TENM2: variants seen among roughly 807,000 people sequenced by gnomAD.
The protein encoded by TENM2 is teneurin-2.
TENM2 carries 52 observed loss-of-function variants against 245.2 expected under a neutral mutation model. The ratio of observed to expected loss-of-function variants is 0.21; its 90% CI spans 0.17 to 0.27. TENM2 has a LOEUF of 0.27. Among genes scored for constraint, TENM2 ranks in the 10% least tolerant of loss-of-function variants. TENM2 has a pLI of 1.00. For synonymous variants in TENM2, 1,363 were observed against 1,438.9 expected (o/e 0.95, Z 1.19); for missense variants, 3,046 against 3,666.8 (o/e 0.83, Z 4.37).
the TENM2 span, among the ~76,000 whole-genome samples, chr5:167,192,219 G>C: frequency 6.6e-6 from 1 of 152,016 alleles, no homozygotes; most frequent in African/African-American, 2.4e-5. Context: ...ATTCAACACA[G>C]TGATTCATGG....
chr5:167,515,628 T>TGCATATATATGTATATATACAC (rs1450831702), intron 2 of TENM2, among the ~76,000 whole-genome samples: 1 of 142,178 alleles, frequency 7.0e-6, no homozygotes, highest in African/African-American at 2.6e-5. Flanking sequence ...TACATATATA[T>TGCATATATATGTATATATACAC]ACATATATAT....
At chr5:167,917,458 A>C (rs1014402773) in intron 3 of TENM2, among the ~76,000 whole-genome samples, 2 of 151,954 alleles carry the variant, frequency 1.3e-5, no homozygotes, top group Non-Finnish European at 2.9e-5. Flanking sequence ...GGAGTTTTTA[A>C]AATAATAGTT....
chr5:167,467,280 C>T (rs1332020292), intron 2 of TENM2, among the ~76,000 whole-genome samples: 1 of 152,090 alleles, frequency 6.6e-6, no homozygotes, highest in Non-Finnish European at 1.5e-5. Flanking sequence ...CACAGTCTCT[C>T]CTACCGCCTT....
At chr5:167,917,365 T>C (rs371862951) in intron 3 of TENM2, among the ~76,000 whole-genome samples, 2 of 152,150 alleles carry the variant, frequency 1.3e-5, no homozygotes, top group South Asian at 2.1e-4. Flanking sequence ...CGGGGGGTTG[T>C]AGGGATTGGG....
chr5:167,515,439 G>T (rs1437788647), intron 2 of TENM2, among the ~76,000 whole-genome samples: 1 of 151,498 alleles, frequency 6.6e-6, no homozygotes, highest in African/African-American at 2.4e-5. Flanking sequence ...TAAATGAAAA[G>T]ACACATAGTT....
At chr5:167,730,451 C>G (rs544804377) in intron 2 of TENM2, among the ~76,000 whole-genome samples, 69 of 152,298 alleles carry the variant, frequency 4.5e-4, no homozygotes, top group African/African-American at 1.4e-3. Context: ...TTGGTGTCAT[C>G]CAGCATTTGA....
chr5:167,218,717 C>A, the TENM2 span, among the ~76,000 whole-genome samples: 1 of 152,032 alleles, frequency 6.6e-6, no homozygotes, highest in Non-Finnish European at 1.5e-5. Context: ...TTCCAAGAGA[C>A]CCAAAATGTG....
rs545218129 is a variant in TENM2, at chr5:167,858,594, G to A, written c.503-17392G>A. 1.3e-3 allele frequency among the ~76,000 whole-genome samples: 202 copies of A among 152,042 alleles called. 2 individuals carry two copies. In the South Asian group the frequency reaches 0.019, roughly 14 times the overall value. ...GGTCGGTGGCTTAGGGAGCCCGTCCGGCCATGGTGGCCGCGGGTGGTGGTT... is the reference window on the plus strand; with the variant it reads ...GGTCGGTGGCTTAGGGAGCCCGTCCAGCCATGGTGGCCGCGGGTGGTGGTT... On this transcript the variant is annotated intron_variant, in intron 2 of 28. Coordinates refer to ENST00000518659, the Ensembl canonical transcript of TENM2.
intron 2 of TENM2, among the ~76,000 whole-genome samples, chr5:167,418,234 C>T (rs575347644): frequency 6.7e-4 from 101 of 150,758 alleles, no homozygotes; most frequent in Middle Eastern, 3.4e-3. Flanking sequence ...GAGGCTGAGG[C>T]GGGAGAATTG....
chr5:167,470,985 T>A (rs1766990287), intron 2 of TENM2, among the ~76,000 whole-genome samples: 2 of 152,144 alleles, frequency 1.3e-5, no homozygotes, highest in Admixed American at 6.6e-5. Context: ...GATAACTGAG[T>A]GGTTTTAAAT....
chr5:167,889,818 G>A (rs898387275), intron 3 of TENM2, among the ~76,000 whole-genome samples: 6 of 151,864 alleles, frequency 4.0e-5, no homozygotes, highest in South Asian at 2.1e-4. Context: ...GCTAACCTGC[G>A]TGCCTTCTCG....
the TENM2 span, among the ~76,000 whole-genome samples, chr5:167,106,005 GTGAA>G: frequency 2.7e-5 from 4 of 146,108 alleles, no homozygotes; most frequent in Admixed American, 2.1e-4. Context: ...GAAAAATGAT[GTGAA>G]TCGACAGAGT....
intron 2 of TENM2, among the ~76,000 whole-genome samples, chr5:167,415,338 G>A (rs1277179898): frequency 2.0e-5 from 3 of 152,028 alleles, no homozygotes; most frequent in Non-Finnish European, 4.4e-5. Flanking sequence ...TTTGTAGCAT[G>A]TATTTTACCT....
intron 2 of TENM2, among the ~76,000 whole-genome samples, chr5:167,593,243 AG>A (rs1178931444): frequency 2.0e-5 from 3 of 152,244 alleles, no homozygotes; most frequent in Non-Finnish European, 2.9e-5. Context: ...ATTACAAAAA[AG>A]ATGACTTTGA....
chr5:167,421,998 G>C (rs1763535902), intron 2 of TENM2, among the ~76,000 whole-genome samples: 1 of 152,062 alleles, frequency 6.6e-6, no homozygotes, highest in Non-Finnish European at 1.5e-5. Context: ...CACCATCTTG[G>C]CCAGGCTGGT....
At chr5:167,882,201 C>G (rs1178622569) in intron 3 of TENM2, among the ~76,000 whole-genome samples, 1 of 152,102 alleles carries the variant, frequency 6.6e-6, no homozygotes, top group Non-Finnish European at 1.5e-5. Flanking sequence ...TTTCTTAAAA[C>G]GAAATACAGC....
chr5:167,210,295 TGAAGTGAATGAATGCA>T, the TENM2 span, among the ~76,000 whole-genome samples: 1 of 152,160 alleles, frequency 6.6e-6, no homozygotes. Flanking sequence ...TTTCCCATAA[TGAAGTGAATGAATGCA>T]TGCGTGAAGA....
intron 4 of TENM2, among the ~76,000 whole-genome samples, chr5:167,956,002 G>T (rs1339390886): frequency 2.6e-5 from 4 of 152,106 alleles, no homozygotes; most frequent in Admixed American, 1.3e-4. Flanking sequence ...TTCTAATTCT[G>T]TGAAGAAAGT....
chr5:166,990,581 T>C, the TENM2 span, among the ~76,000 whole-genome samples: 1 of 152,116 alleles, frequency 6.6e-6, no homozygotes, highest in African/African-American at 2.4e-5. Context: ...ATGATAATGA[T>C]GGTTCTCCAG....
Sources: gnomAD v4.1 joint callset for allele counts (sites outside exome capture counted in the v4.1 genomes callset) on GRCh38, gnomAD v4.1.1 for gene constraint, MANE v1.5 for transcripts, NCBI Gene and HGNC (gene_info 2026-07-23, HGNC 2026-07-21) for gene names.